Variants in PRKDC observed in about 807,000 individuals in gnomAD.
PRKDC encodes protein kinase, DNA-activated, catalytic subunit.
A neutral mutation model predicts 486.9 loss-of-function variants in PRKDC; 82 were observed. That is an observed-to-expected ratio of 0.17 (90% confidence interval 0.14 to 0.20). The LOEUF (loss-of-function observed/expected upper bound fraction) is 0.20. Among genes scored for constraint, PRKDC ranks in the 10% least tolerant of loss-of-function variants. The pLI, the probability that PRKDC is intolerant of heterozygous loss-of-function variation, is 1.00. For synonymous variants in PRKDC, 1,895 were observed against 1,837.0 expected (o/e 1.03, Z -0.81); for missense variants, 4,504 against 5,038.2 (o/e 0.89, Z 3.21).
intron 7 of PRKDC, among the ~76,000 whole-genome samples, chr8:47,952,751 C>T (rs2090645952): frequency 6.6e-6 from 1 of 152,136 alleles, no homozygotes. Flanking sequence ...TGCCTGTAAT[C>T]CCAGAACTTT....
At chr8:47,825,523 A>AC (rs1321273013) in intron 63 of PRKDC, among the ~76,000 whole-genome samples, 4 of 151,306 alleles carry the variant, frequency 2.6e-5, no homozygotes, top group African/African-American at 9.7e-5. Context: ...AAAAAAAAAA[A>AC]AAAAAAAAAA....
intron 40 of PRKDC, among the ~76,000 whole-genome samples, chr8:47,872,500 GT>G (rs2088977303): frequency 1.6e-5 from 1 of 64,024 alleles, no homozygotes; most frequent in African/African-American, 7.3e-5. Flanking sequence ...ATATAAAAAA[GT>G]AAAAAAAAAA....
chr8:47,915,000 T>C (rs8178053), intron 23 of PRKDC, among the ~76,000 whole-genome samples: 1 of 152,072 alleles, frequency 6.6e-6, no homozygotes, highest in African/African-American at 2.4e-5. Flanking sequence ...TTTCTAAAAA[T>C]ATCATAATAT....
chr8:47,954,418 A>T lies in PRKDC; in HGVS notation c.428T>A (p.Leu143His). 1 of 1,366,854 alleles carries T rather than the reference A, an allele frequency of 7.3e-7. No individual in the cohort carries two copies. The highest frequency in any genetic ancestry group is 9.9e-7 in the Non-Finnish European group (1 of 1,009,578). The allele number at this position is 1,366,854 out of a possible 1,614,324, so 84.7% of individuals were successfully genotyped here. The change falls in exon 5 of 86, where the codon CTC becomes CAC. Residue 143 changes from leucine to histidine, a missense_variant. Around this residue, in one of 6 missense-constraint regions of PRKDC, gnomAD observed 1,969 missense variants for 2,068.9 expected, o/e 0.95. Coordinates refer to ENST00000314191, the MANE Select transcript of PRKDC (RefSeq NM_006904.7). ...TTCTCCAATTTTAAATTCATCCATG[A>T]GTCTAGAACTTCTAAAAGTCTGAAG... ...KLLQTFRSSR[L>H]MDEFKIGELF... is the part of the protein sequence containing the mutation.
In PRKDC at chr8:47,855,164, G is replaced by A. The variant is rs1408659093; in HGVS notation, c.6761+58C>T. ...AAATTTCACTGTAATCATCATTTAC[G>A]ACACACTACATTTTAACCTAAATTT... On this transcript the variant is annotated intron_variant, in intron 50 of 85. Coordinates refer to ENST00000314191, the MANE Select transcript of PRKDC (RefSeq NM_006904.7). 7.1e-6 allele frequency: 10 copies of A among 1,401,962 alleles called. No individual in the cohort carries two copies. The East Asian group carries it at 1.2e-4, about 17-fold the overall frequency. 86.8% of individuals were successfully genotyped at this position (1,401,962 alleles called of 1,614,324 possible). A position where few individuals can be genotyped will look rare whatever the true frequency, so the allele number is the denominator to read the frequency against.
At chr8:47,907,041 CTGG>C (rs2154502562) in intron 25 of PRKDC, among the ~76,000 whole-genome samples, 2 of 151,350 alleles carry the variant, frequency 1.3e-5, no homozygotes, top group South Asian at 4.2e-4. Flanking sequence ...AAGAATCATA[CTGG>C]TGTTTTTTTT....
intron 40 of PRKDC, among the ~76,000 whole-genome samples, chr8:47,870,671 T>C (rs1233642144): frequency 2.6e-5 from 4 of 152,172 alleles, no homozygotes; most frequent in Non-Finnish European, 4.4e-5. Context: ...TGCCCTGATA[T>C]CAATGAACAT....
intron 83 of PRKDC, among the ~76,000 whole-genome samples, 175 bp from the exon 84 acceptor site, chr8:47,778,049 C>T (rs772843958): frequency 6.6e-5 from 10 of 152,278 alleles, no homozygotes; most frequent in Middle Eastern, 3.4e-3. Context: ...GTAACCCCCT[C>T]GGCTTGAGTT....
At chr8:47,855,476 GT>G in intron 49 of PRKDC, 103 bp from the exon 50 acceptor site, 5 of 1,217,306 alleles carry the variant, frequency 4.1e-6, no homozygotes, top group East Asian at 2.6e-5. Context: ...TTTTACAGGA[GT>G]CCGGCTCCTG....
At chr8:47,787,473 C>T (rs892613294) in intron 76 of PRKDC, among the ~76,000 whole-genome samples, 4 of 152,210 alleles carry the variant, frequency 2.6e-5, no homozygotes, top group African/African-American at 9.7e-5. Context: ...ATATTTGAGG[C>T]ACTTCGCTTT....
chr8:47,943,150 G>A (rs2090473754), intron 10 of PRKDC, 59 bp downstream of exon 10: 7 of 1,552,466 alleles, frequency 4.5e-6, no homozygotes, highest in Non-Finnish European at 6.1e-6. Context: ...TGCATGCAAA[G>A]GGAATTTAAT....
At chr8:47,817,090 A>G (rs1214968542) in intron 68 of PRKDC, among the ~76,000 whole-genome samples, 1 of 152,226 alleles carries the variant, frequency 6.6e-6, no homozygotes, top group Non-Finnish European at 1.5e-5. Context: ...AATCCTAGTT[A>G]TAAAAAATAG....
chr8:47,779,098 T>A lies in PRKDC; in HGVS notation c.11490-5A>T. 1 of 1,576,142 alleles carries A rather than the reference T, an allele frequency of 6.3e-7. No individual in the cohort carries two copies. The highest frequency in any genetic ancestry group is 8.6e-7 in the Non-Finnish European group (1 of 1,158,482). ...CACGGCGGTGCCCTGGGATCACTAATGAGTGAGAAAAGGGGAATTGGAATT... is the reference window on the plus strand; with the variant it reads ...CACGGCGGTGCCCTGGGATCACTAAAGAGTGAGAAAAGGGGAATTGGAATT... On this transcript the variant is annotated splice_polypyrimidine_tract_variant and splice_region_variant and intron_variant, in intron 80 of 85. Transcript: ENST00000314191.
chr8:47,918,477 A>G lies in PRKDC; in HGVS notation c.2420-94T>C, dbSNP rs1032899726. The G allele has an allele frequency of 6.0e-6, 4 of 668,334 alleles. No homozygotes were observed. The African/African-American group carries it at 7.5e-5, about 12-fold the overall frequency. 41.4% of individuals were successfully genotyped at this position (668,334 alleles called of 1,614,324 possible). A position where few individuals can be genotyped will look rare whatever the true frequency, so the allele number is the denominator to read the frequency against. ...ACAAACTATATTGTCAAATAGAAACATTAAAATCCTAAATTATGATTTAAA... is the reference window on the plus strand; with the variant it reads ...ACAAACTATATTGTCAAATAGAAACGTTAAAATCCTAAATTATGATTTAAA... On this transcript the variant is annotated intron_variant, in intron 21 of 85. Transcript: ENST00000314191.
chr8:47,777,775 C>A lies in PRKDC; in HGVS notation c.11953G>T (p.Val3985Leu). The stretch of plus-strand genomic sequence containing the variant: ...GAGCGGAAGGCCCGGAGTGCGTGTA[C>A]CATGATGCTGTACATAAGGCCCGTT... ...KETGLMYSIM[V>L]HALRAFRSDP... The change falls in exon 84 of 86, where the codon GTA becomes TTA. Residue 3985 changes from valine (V) to leucine (L), a missense_variant. By Grantham distance (32) the Val-to-Leu change is conservative. This residue lies in a region of PRKDC where 706 missense variants were observed against 945.0 expected (regional missense o/e 0.75). Coordinates refer to ENST00000314191, the MANE Select transcript of PRKDC (RefSeq NM_006904.7). The A allele has an allele frequency of 1.9e-6, 3 of 1,613,950 alleles. No homozygotes were observed. The highest frequency in any genetic ancestry group is 1.7e-5 in the Admixed American group (1 of 60,008).
intron 7 of PRKDC, among the ~76,000 whole-genome samples, chr8:47,952,459 G>A (rs1589816803): frequency 6.6e-6 from 1 of 152,144 alleles, no homozygotes; most frequent in East Asian, 1.9e-4. Context: ...GCCAAGATGG[G>A]GGAAGAGATT....
At chr8:47,790,229 A>G (rs9657152) in intron 74 of PRKDC, among the ~76,000 whole-genome samples, 146 of 152,368 alleles carry the variant, frequency 9.6e-4, no homozygotes, top group African/African-American at 2.8e-3. Flanking sequence ...AAAAATCAAC[A>G]TACAAAAATC....
chr8:47,820,898 G>A lies in PRKDC; in HGVS notation c.9157C>T (p.Leu3053Phe). 1 of 1,608,650 alleles carries A rather than the reference G, an allele frequency of 6.2e-7. No individual in the cohort carries two copies. The highest frequency in any genetic ancestry group is 8.5e-7 in the Non-Finnish European group (1 of 1,176,530). Residue 3053 changes from leucine (L) to phenylalanine (F), a missense_variant, in exon 66 of 86, where the codon CTC (leucine) becomes TTC (phenylalanine). By Grantham distance (22) the Leu-to-Phe change is conservative. Coordinates refer to ENST00000314191, the MANE Select transcript of PRKDC (RefSeq NM_006904.7). Reference sequence around the variant, plus strand: ...AGGGACTGGTCAGCCTCTCCCTGGAGCAGCAGCTTCAGCTTGCTGCGGATC... The same window carrying A: ...AGGGACTGGTCAGCCTCTCCCTGGAACAGCAGCTTCAGCTTGCTGCGGATC... ...YMIRSKLKLL[L>F]QGEADQSLLT...
intron 10 of PRKDC, among the ~76,000 whole-genome samples, chr8:47,942,101 A>G (rs1049390094): frequency 6.6e-6 from 1 of 152,008 alleles, no homozygotes; most frequent in African/African-American, 2.4e-5. Flanking sequence ...CATTCCGGAC[A>G]CTCCTCCTTG....
Sources: gnomAD v4.1 joint callset for allele counts (sites outside exome capture counted in the v4.1 genomes callset) on GRCh38, gnomAD v4.1.1 for gene constraint, gnomAD v4.1.1 regional missense constraint, MANE v1.5 for transcripts, NCBI Gene and HGNC (gene_info 2026-07-23, HGNC 2026-07-21) for gene names.